PTGFR: variants seen among roughly 807,000 people sequenced by gnomAD.
The protein encoded by PTGFR is prostaglandin F2-alpha receptor.
Under a neutral mutation model 26.2 loss-of-function variants are expected in PTGFR, and 15 were observed. That is an observed-to-expected ratio of 0.57 (90% CI 0.38 to 0.88). The LOEUF (loss-of-function observed/expected upper bound fraction) is 0.88, where lower values mean the gene tolerates loss of function less well. Ranked by LOEUF, PTGFR falls within the 40% of genes least tolerant of loss-of-function variation. The pLI is 0.00. For synonymous variants in PTGFR, 165 were observed against 151.1 expected (o/e 1.09, Z -0.68); for missense variants, 369 against 427.2 (o/e 0.86, Z 1.20).
intron 2 of PTGFR, among the ~76,000 whole-genome samples, chr1:78,508,053 G>A (rs1226051295): frequency 6.6e-6 from 1 of 151,992 alleles, no homozygotes; most frequent in Non-Finnish European, 1.5e-5. Context: ...TTCAGTGTGG[G>A]AATACTTTTA....
chr1:78,535,607 T>C (rs897935334), intron 2 of PTGFR, among the ~76,000 whole-genome samples: 2 of 152,220 alleles, frequency 1.3e-5, no homozygotes, highest in African/African-American at 4.8e-5. Context: ...AAAGCCACCT[T>C]ATTTGTTCCA....
rs74094514 is a variant in PTGFR, at chr1:78,507,343, T to C, written c.798+13802T>C. On this transcript the variant is annotated intron_variant, in intron 2 of 2. Transcript: ENST00000370757. Reference sequence around the variant, plus strand: ...TATTCTCCAGTGTCTTCAGGTAGTGTGTTTGTTTTTGTTTTTGGCACAGAG... The same window carrying C: ...TATTCTCCAGTGTCTTCAGGTAGTGCGTTTGTTTTTGTTTTTGGCACAGAG... 4.5e-3 allele frequency among the ~76,000 whole-genome samples: 686 copies of C among 152,258 alleles called. 3 individuals carry two copies. Among genetic ancestry groups the C allele is most frequent in the African/African-American group, 0.015 (641 of 41,564 alleles).
intron 2 of PTGFR, among the ~76,000 whole-genome samples, chr1:78,494,369 C>CA (rs374878562): frequency 9.9e-5 from 15 of 151,708 alleles, no homozygotes; most frequent in East Asian, 5.8e-4. Flanking sequence ...AAAACAAAAA[C>CA]AAAAAAAACC....
rs569407943 is a variant in PTGFR at position 78,538,766 on chromosome 1, GAAAT to G, written c.*2085_*2088del. The G allele has an allele frequency of 1.6e-3, 248 of 152,088 alleles. 1 individual carries two copies. The highest frequency in any genetic ancestry group is 5.7e-3 in the African/African-American group (237 of 41,534). 9.4% of individuals were successfully genotyped at this position (152,088 alleles called of 1,614,324 possible). ...AGAAGTGTATTTTTTCAGGTTTCTG[GAAAT>G]AAATAGTAAAATAAATGGCACAAAT... On this transcript the variant is annotated 3_prime_UTR_variant, in exon 3 of 3. Coordinates refer to ENST00000370757, the MANE Select transcript of PTGFR (RefSeq NM_000959.4).
rs1365039967 is a variant in PTGFR, at chr1:78,539,132, T to C, written c.*2445T>C. On this transcript the variant is annotated 3_prime_UTR_variant, in exon 3 of 3. Coordinates refer to ENST00000370757, the MANE Select transcript of PTGFR (RefSeq NM_000959.4). ...TCAGACCTTTTACTGATGGGTTAAC[T>C]AGGTGAAAGAAATGGGCCCTTATTT... 1 of 151,548 alleles carries C rather than the reference T, an allele frequency of 6.6e-6. No individual in the cohort carries two copies. Among genetic ancestry groups the C allele is most frequent in the Non-Finnish European group, 1.5e-5 (1 of 67,906 alleles). The allele number at this position is 151,548 out of a possible 1,614,324, so 9.4% of individuals were successfully genotyped here.
At position 78,491,092 on chromosome 1, in the gene PTGFR, G is replaced by T. The variant is rs1649380621; in HGVS notation, c.-217G>T. ...AACGAGTGCGCGGAGGGGACGAGCG[G>T]CTGGACCACAGCCGGCGCCCGATCA... On this transcript the variant is annotated 5_prime_UTR_variant, in exon 1 of 3. Transcript: ENST00000370757. The T allele has an allele frequency of 6.6e-6, 1 of 152,270 alleles. No homozygotes were observed. The highest frequency in any genetic ancestry group is 2.1e-4 in the South Asian group (1 of 4,836). The allele number at this position is 152,270 out of a possible 1,614,324, so 9.4% of individuals were successfully genotyped here.
At chr1:78,504,446 G>A (rs948990820) in intron 2 of PTGFR, among the ~76,000 whole-genome samples, 1 of 152,098 alleles carries the variant, frequency 6.6e-6, no homozygotes, top group Admixed American at 6.6e-5. Context: ...TGCAAGAACT[G>A]TTTGGATAGC....
chr1:78,497,818 T>C (rs1322769359), intron 2 of PTGFR: 2 of 1,227,288 alleles, frequency 1.6e-6, no homozygotes, highest in Non-Finnish European at 2.4e-6. Context: ...AGGACGCTAT[T>C]AAACTTCAGC....
intron 2 of PTGFR, among the ~76,000 whole-genome samples, chr1:78,530,034 G>T: frequency 6.6e-6 from 1 of 152,276 alleles, no homozygotes; most frequent in South Asian, 2.1e-4. Flanking sequence ...TGCCAAAAAG[G>T]TTGGGGACTG....
At chr1:78,518,691 T>C (rs987805067) in intron 2 of PTGFR, among the ~76,000 whole-genome samples, 1 of 151,580 alleles carries the variant, frequency 6.6e-6, no homozygotes, top group African/African-American at 2.4e-5. Flanking sequence ...CACCCCTTAT[T>C]TGGGGTTCAG....
intron 2 of PTGFR, among the ~76,000 whole-genome samples, chr1:78,516,687 A>C (rs575214708): frequency 2.0e-5 from 3 of 152,322 alleles, no homozygotes; most frequent in Non-Finnish European, 4.4e-5. Context: ...TTCAAAATTT[A>C]AAAAATGGAC....
intron 2 of PTGFR, among the ~76,000 whole-genome samples, chr1:78,500,427 G>C (rs1027261062): frequency 1.3e-5 from 2 of 152,168 alleles, no homozygotes; most frequent in African/African-American, 4.8e-5. Context: ...GTCCAAGATT[G>C]TGTCCCTGTC....
In PTGFR at chr1:78,508,256, A is replaced by G. The variant is rs917944002; in HGVS notation, c.798+14715A>G. ...TTATCTTTTCATGCATCATATGTCT[A>G]TTTTTATTCTTTTCTACAAAAATTG... On this transcript the variant is annotated intron_variant, in intron 2 of 2. Transcript: ENST00000370757. 2.4e-4 allele frequency among the ~76,000 whole-genome samples: 36 copies of G among 152,090 alleles called. 1 individual carries two copies. The highest frequency in any genetic ancestry group is 7.4e-5 in the Non-Finnish European group (5 of 67,992).
At chr1:78,503,451 A>G (rs951173270) in intron 2 of PTGFR, among the ~76,000 whole-genome samples, 3 of 152,186 alleles carry the variant, frequency 2.0e-5, no homozygotes, top group Admixed American at 6.5e-5. Flanking sequence ...GGAAACAAAA[A>G]AAGTTCATTT....
chr1:78,515,014 C>G (rs1346870918), intron 2 of PTGFR, among the ~76,000 whole-genome samples: 1 of 152,092 alleles, frequency 6.6e-6, no homozygotes, highest in African/African-American at 2.4e-5. Flanking sequence ...CCAACTAAAC[C>G]TCTTTTCTTT....
At chr1:78,502,691 T>A (rs968611970) in intron 2 of PTGFR, among the ~76,000 whole-genome samples, 2 of 152,174 alleles carry the variant, frequency 1.3e-5, no homozygotes, top group Non-Finnish European at 2.9e-5. Flanking sequence ...GAGGGATTTG[T>A]CACTTCTAAT....
intron 2 of PTGFR, among the ~76,000 whole-genome samples, chr1:78,531,523 C>T (rs1055958871): frequency 8.5e-5 from 13 of 152,126 alleles, no homozygotes; most frequent in African/African-American, 3.1e-4. Flanking sequence ...TTTAACTTTA[C>T]TAGGATTTCT....
chr1:78,517,885 A>AT (rs928411353), intron 2 of PTGFR, among the ~76,000 whole-genome samples: 6 of 152,108 alleles, frequency 3.9e-5, no homozygotes, highest in Non-Finnish European at 8.8e-5. Context: ...TATTTCGGAA[A>AT]TTTTTTTTGT....
chr1:78,533,153 A>G (rs1468093582), intron 2 of PTGFR, among the ~76,000 whole-genome samples: 1 of 152,198 alleles, frequency 6.6e-6, no homozygotes, highest in East Asian at 1.9e-4. Flanking sequence ...TTGAAGAACT[A>G]TAAGACTAGT....
Sources: allele counts gnomAD v4.1 joint callset (sites outside exome capture counted in the v4.1 genomes callset), GRCh38; gene constraint gnomAD v4.1.1; transcripts MANE v1.5; gene names NCBI Gene and HGNC (gene_info 2026-07-23, HGNC 2026-07-21).